NRG1: variants seen among roughly 807,000 people sequenced by gnomAD.
The protein encoded by NRG1 is pro-neuregulin-1, membrane-bound isoform.
NRG1 carries 18 observed loss-of-function variants against 63.8 expected under a neutral mutation model. The observed-to-expected ratio is 0.28, with a 90% CI of 0.19 to 0.42. NRG1 has a LOEUF of 0.42. NRG1 is among the 10% of genes least tolerant of loss of function. The pLI is 1.00. For synonymous variants in NRG1, 302 were observed against 301.3 expected, an observed-to-expected ratio of 1.00 and a Z score of -0.02; for missense variants, 762 against 814.7, an observed-to-expected ratio of 0.94 and a Z score of 0.79.
intron 1 of NRG1, among the ~76,000 whole-genome samples, chr8:32,436,137 A>T (rs1254724364): frequency 2.6e-5 from 4 of 152,200 alleles, no homozygotes; most frequent in African/African-American, 9.6e-5. Context: ...CCTCACAAGC[A>T]TGGTGGAAAG....
chr8:32,306,387 C>T (rs994245375), intron 1 of NRG1, among the ~76,000 whole-genome samples: 3 of 152,146 alleles, frequency 2.0e-5, no homozygotes, highest in Non-Finnish European at 2.9e-5. Context: ...TGTTAGCATT[C>T]GAATGGGTCC....
intron 1 of NRG1, among the ~76,000 whole-genome samples, chr8:32,526,345 C>T (rs939954202): frequency 1.5e-4 from 23 of 152,212 alleles, no homozygotes; most frequent in Admixed American, 1.1e-3. Context: ...CTCTCTATAG[C>T]AGTTTGTTTA....
intron 5 of NRG1, among the ~76,000 whole-genome samples, chr8:32,721,510 C>T (rs745614728): frequency 2.0e-5 from 3 of 151,890 alleles, no homozygotes; most frequent in Non-Finnish European, 4.4e-5. Context: ...TGAGAATTCT[C>T]CTGGCTTCCC....
At position 32,757,801 on chromosome 8, in the gene NRG1, C is replaced by T. The variant is rs79214147; in HGVS notation, c.921+1272C>T. Among the ~76,000 whole-genome samples, 860 of 152,298 alleles carry T rather than the reference C, an allele frequency of 5.6e-3. 7 individuals are homozygous for T. Among genetic ancestry groups the T allele is most frequent in the African/African-American group, 0.02 (826 of 41,554 alleles). ...AAAATAATACCTACTTCAGAGACTC[C>T]TTGTGAGCCTTAAATAAGGTAATTT... On this transcript the variant is annotated intron_variant, in intron 9 of 11. Transcript: ENST00000356819.
intron 1 of NRG1, among the ~76,000 whole-genome samples, chr8:32,368,516 C>T (rs1351839834): frequency 6.6e-6 from 1 of 152,174 alleles, no homozygotes; most frequent in Non-Finnish European, 1.5e-5. Context: ...CATGCCATTG[C>T]ACTCTAATTT....
chr8:32,168,727 G>A (rs960995244), intron 1 of NRG1, among the ~76,000 whole-genome samples: 27 of 152,162 alleles, frequency 1.8e-4, no homozygotes, highest in Non-Finnish European at 1.5e-5. Flanking sequence ...AAAGCCGCTG[G>A]CTGACCACGT....
intron 1 of NRG1, among the ~76,000 whole-genome samples, chr8:32,190,888 A>G (rs1248947801): frequency 2.6e-5 from 4 of 152,150 alleles, no homozygotes; most frequent in Non-Finnish European, 5.9e-5. Context: ...CAGATGTAAT[A>G]GGGGAGAGTT....
chr8:32,214,954 C>T (rs1030016208), intron 1 of NRG1, among the ~76,000 whole-genome samples: 1 of 152,204 alleles, frequency 6.6e-6, no homozygotes, highest in Non-Finnish European at 1.5e-5. Flanking sequence ...TTCTCTTTCT[C>T]TACTTCCAGG....
intron 1 of NRG1, among the ~76,000 whole-genome samples, chr8:32,077,551 C>A (rs373990449): frequency 9.2e-5 from 14 of 152,040 alleles, no homozygotes; most frequent in Non-Finnish European, 1.9e-4. Context: ...TTCTTTTGTG[C>A]GTTTTAGCAT....
chr8:32,508,932 A>C (rs1258205484), intron 1 of NRG1, among the ~76,000 whole-genome samples: 1 of 151,652 alleles, frequency 6.6e-6, no homozygotes, highest in African/African-American at 2.4e-5. Flanking sequence ...ATGGAGTCTC[A>C]CCATGTTGGC....
At chr8:32,505,119 T>A (rs899707174) in intron 1 of NRG1, among the ~76,000 whole-genome samples, 7 of 152,176 alleles carry the variant, frequency 4.6e-5, no homozygotes, top group Non-Finnish European at 1.0e-4. Flanking sequence ...ATCATTGTTG[T>A]TATTATCAAT....
At chr8:32,638,778 C>CA (rs1302250115) in intron 5 of NRG1, among the ~76,000 whole-genome samples, 4 of 152,046 alleles carry the variant, frequency 2.6e-5, no homozygotes, top group African/African-American at 9.7e-5. Flanking sequence ...AAAATTGTAA[C>CA]AATTTTCTGT....
intron 1 of NRG1, among the ~76,000 whole-genome samples, chr8:31,833,108 CTG>C (rs1277213833): frequency 6.6e-6 from 1 of 151,918 alleles, no homozygotes; most frequent in African/African-American, 2.4e-5. Flanking sequence ...AGTGTGGAAA[CTG>C]TTCAAAGATT....
At chr8:31,793,167 G>GT (rs1820878388) in intron 1 of NRG1, among the ~76,000 whole-genome samples, 1 of 152,078 alleles carries the variant, frequency 6.6e-6, no homozygotes, top group Non-Finnish European at 1.5e-5. Context: ...TTTTCAAAAT[G>GT]TAAGGATTAG....
chr8:31,780,813 T>C (rs1503490), intron 1 of NRG1, among the ~76,000 whole-genome samples: 113,924 of 152,056 alleles, frequency 0.75, 43,176 homozygotes, highest in East Asian at 0.99. Flanking sequence ...GAACCTTGGT[T>C]CTAGTGTTTT....
chr8:32,035,997 A>T (rs1818995548), intron 1 of NRG1, among the ~76,000 whole-genome samples: 1 of 152,042 alleles, frequency 6.6e-6, no homozygotes, highest in Admixed American at 6.5e-5. Context: ...TTATTTGCAG[A>T]CTTTTTTGAT....
intron 1 of NRG1, among the ~76,000 whole-genome samples, chr8:32,255,056 T>C (rs2067633876): frequency 6.6e-6 from 1 of 152,236 alleles, no homozygotes; most frequent in African/African-American, 2.4e-5. Flanking sequence ...TAAATATTCC[T>C]CCATCCCTTT....
At chr8:31,758,557 C>T (rs1012925277) in intron 1 of NRG1, among the ~76,000 whole-genome samples, 2 of 152,070 alleles carry the variant, frequency 1.3e-5, no homozygotes, top group African/African-American at 4.8e-5. Flanking sequence ...GAGTTCATGT[C>T]CTTTTCAAGG....
At chr8:32,340,792 A>G (rs1006135502) in intron 1 of NRG1, among the ~76,000 whole-genome samples, 4 of 152,206 alleles carry the variant, frequency 2.6e-5, no homozygotes, top group East Asian at 1.9e-4. Flanking sequence ...TTTTTCTGCT[A>G]TATCAGGGGT....
Sources: allele counts gnomAD v4.1 joint callset (sites outside exome capture counted in the v4.1 genomes callset), GRCh38; gene constraint gnomAD v4.1.1; transcripts MANE v1.5; gene names NCBI Gene and HGNC (gene_info 2026-07-23, HGNC 2026-07-21).